ZYX: variants seen among roughly 807,000 people sequenced by gnomAD.
ZYX encodes zyxin.
In ZYX, 37 loss-of-function variants were observed where a neutral mutation model predicts 58.1. The ratio of observed to expected loss-of-function variants is 0.64; its 90% CI spans 0.49 to 0.84. ZYX has a LOEUF of 0.84. Ranked by LOEUF, ZYX falls within the 40% of genes least tolerant of loss-of-function variation. ZYX has a pLI of 0.00. For synonymous variants in ZYX, 324 were observed against 321.1 expected (o/e 1.01, Z -0.10); for missense variants, 762 against 761.6 (o/e 1.00, Z -0.01).
chr7:143,388,651 G>A lies in ZYX; in HGVS notation c.1307G>A (p.Cys436Tyr). The change falls in exon 7 of 10, where the codon TGT becomes TAT. Residue 436 changes from cysteine (C) to tyrosine (Y), a missense_variant. Cys to Tyr is a radical substitution (Grantham distance 194, BLOSUM62 -2). Transcript: ENST00000322764. The surrounding 1 kb of genome is among the most constrained non-coding windows in gnomAD (Gnocchi z 7.5). ...SLEGAPYCEG[C>Y]YTDTLEKCNT... is the part of the protein sequence containing the mutation. ...GAGGGGGCGCCGTACTGCGAGGGCT[G>A]TTACACTGTGAGTCGGGCTGTGCTG... 2 of 1,613,664 alleles carry A rather than the reference G, an allele frequency of 1.2e-6. No individual in the cohort carries two copies. The highest frequency in any genetic ancestry group is 1.1e-5 in the South Asian group (1 of 91,082).
In ZYX at chr7:143,388,496, C is replaced by G; in HGVS notation, c.1152C>G (p.Cys384Trp). The G allele has an allele frequency of 6.2e-7, 1 of 1,609,760 alleles. No individual in the cohort carries two copies. Among genetic ancestry groups the G allele is most frequent in the Non-Finnish European group, 8.5e-7 (1 of 1,179,418 alleles). Residue 384 changes from cysteine to tryptophan, a missense_variant, in exon 7 of 10, where the codon TGC becomes TGG. Cys to Trp is a radical substitution (Grantham distance 215). Transcript: ENST00000322764. The surrounding 1 kb of genome is among the most constrained non-coding windows in gnomAD (Gnocchi z 7.5). The part of the protein sequence containing the change: ...QRQNVAVNEL[C>W]GRCHQPLARA... ...CTTCTCTGGCCTTCCCAGAACTCTG[C>G]GGCCGATGCCATCAACCCCTGGCCC...
chr7:143,389,459 G>A lies in ZYX; in HGVS notation c.1494-398G>A, dbSNP rs186645827. On this transcript the variant is annotated intron_variant, in intron 8 of 9. Transcript: ENST00000322764. This position sits in a 1 kb window ranked among gnomAD's most constrained non-coding sequence, Gnocchi z 5.6. ...GGCCACAACTTCACATCCCTCCACA[G>A]TGCCAGACAGTCAGGGCAGAGGCAA... is the stretch of plus-strand genomic sequence containing the variant. Among the ~76,000 whole-genome samples, 120 of 152,276 alleles carry A rather than the reference G, an allele frequency of 7.9e-4. 1 individual carries two copies. Among genetic ancestry groups the A allele is most frequent in the African/African-American group, 2.8e-3 (118 of 41,548 alleles).
Position 143,390,867 on chromosome 7 carries a change from TG to T in ZYX, c.*189del. 1 of 587,322 alleles carries T rather than the reference TG, an allele frequency of 1.7e-6. No homozygotes were observed. The highest frequency in any genetic ancestry group is 1.9e-5 in the South Asian group (1 of 51,446). 36.4% of individuals were successfully genotyped at this position (587,322 alleles called of 1,614,324 possible). A position where few individuals can be genotyped will look rare whatever the true frequency, so the allele number is the denominator to read the frequency against. On this transcript the variant is annotated 3_prime_UTR_variant, in exon 10 of 10. Coordinates refer to ENST00000322764, the MANE Select transcript of ZYX (RefSeq NM_003461.5). This position sits in a 1 kb window ranked among gnomAD's most constrained non-coding sequence, Gnocchi z 4.3. ...GTCTAGGGATGCAGGATCCCCGCCCTGGGGTCTGGTCCTCGCCCATCCTGCA... is the reference window on the plus strand; with the variant it reads ...GTCTAGGGATGCAGGATCCCCGCCCTGGGTCTGGTCCTCGCCCATCCTGCA...
At chr7:143,381,479 G>T in intron 1 of ZYX, 70 bp downstream of exon 1, 1 of 1,390,630 alleles carries the variant, frequency 7.2e-7, no homozygotes. Flanking sequence ...GGGCGAGTGG[G>T]GGTCACCAAG....
chr7:143,390,741 A>G lies in ZYX; in HGVS notation c.*59A>G. 8.0e-7 allele frequency: 1 copy of G among 1,251,680 alleles called. No homozygotes were observed. The highest frequency in any genetic ancestry group is 1.1e-6 in the Non-Finnish European group (1 of 879,660). 77.5% of individuals were successfully genotyped at this position (1,251,680 alleles called of 1,614,324 possible). On this transcript the variant is annotated 3_prime_UTR_variant, in exon 10 of 10. Transcript: ENST00000322764. The surrounding 1 kb of genome is among the most constrained non-coding windows in gnomAD (Gnocchi z 4.3). Reference sequence around the variant, plus strand: ...GCCCCATTGTGGACCACCCACACTGAGACCACCTGCCCCCACCTCAGTTAT... The same window carrying G: ...GCCCCATTGTGGACCACCCACACTGGGACCACCTGCCCCCACCTCAGTTAT...
chr7:143,388,000 C>G lies in ZYX; in HGVS notation c.1024-219C>G, dbSNP rs112126929. 7.2e-4 allele frequency: 442 copies of G among 613,232 alleles called. 3 individuals are homozygous for G. Among genetic ancestry groups the G allele is most frequent in the African/African-American group, 7.1e-3 (392 of 55,172 alleles). The allele number at this position is 613,232 out of a possible 1,614,324, so 38.0% of individuals were successfully genotyped here. A position where few individuals can be genotyped will look rare whatever the true frequency, so the allele number is the denominator to read the frequency against. On this transcript the variant is annotated intron_variant, in intron 5 of 9. Coordinates refer to ENST00000322764, the MANE Select transcript of ZYX (RefSeq NM_003461.5). This position sits in a 1 kb window ranked among gnomAD's most constrained non-coding sequence, Gnocchi z 5.8. ...GGGCAGAGTGGGTGGAAATGTCTTGCTGTACGAGATCCAGGCTTAGGTCCC... is the reference window on the plus strand; with the variant it reads ...GGGCAGAGTGGGTGGAAATGTCTTGGTGTACGAGATCCAGGCTTAGGTCCC...
At chr7:143,386,333 G>A (rs185276112) in intron 5 of ZYX, among the ~76,000 whole-genome samples, 274 of 152,102 alleles carry the variant, frequency 1.8e-3, no homozygotes, top group African/African-American at 6.3e-3. Context: ...TAGGAAGGAC[G>A]ATGAGGGAGC....
In ZYX at chr7:143,390,020, A is replaced by T. The variant is rs535057764; in HGVS notation, c.1614+43A>T. Reference sequence around the variant, plus strand: ...ACTCCTTGGGCAGGTTCTGACCAGGAGGTGGCGGGAGATGCTGCTTACTAA... The same window carrying T: ...ACTCCTTGGGCAGGTTCTGACCAGGTGGTGGCGGGAGATGCTGCTTACTAA... On this transcript the variant is annotated intron_variant, in intron 9 of 9. Transcript: ENST00000322764. This position sits in a 1 kb window ranked among gnomAD's most constrained non-coding sequence, Gnocchi z 4.3. 40 of 1,605,028 alleles carry T rather than the reference A, an allele frequency of 2.5e-5. No individual in the cohort carries two copies. In the East Asian group the frequency reaches 6.3e-4, roughly 25 times the overall value.
rs1193953746 is a variant in ZYX, at chr7:143,389,338, C to T, written c.1493+393C>T. Among the ~76,000 whole-genome samples, 2 of 152,188 alleles carry T rather than the reference C, an allele frequency of 1.3e-5. No homozygotes were observed. The highest frequency in any genetic ancestry group is 2.9e-5 in the Non-Finnish European group (2 of 68,032). On this transcript the variant is annotated intron_variant, in intron 8 of 9. Transcript: ENST00000322764. The surrounding 1 kb of genome is among the most constrained non-coding windows in gnomAD (Gnocchi z 5.6). ...AGGTGGCTACTTTTTCAGGCTGACCCGCAGAACCTCAGTGCAGCTGTGGGA... is the reference window on the plus strand; with the variant it reads ...AGGTGGCTACTTTTTCAGGCTGACCTGCAGAACCTCAGTGCAGCTGTGGGA...
chr7:143,383,556 C>T (rs943201138), intron 5 of ZYX, among the ~76,000 whole-genome samples: 5 of 151,986 alleles, frequency 3.3e-5, no homozygotes, highest in South Asian at 2.1e-4. Context: ...CTGGCTGGGA[C>T]GGCGCAGAGA....
In ZYX at chr7:143,388,875, CGCCCCCTGGAG is replaced by C; in HGVS notation, c.1425_1435del (p.Pro476HisfsTer30). On this transcript the variant is annotated frameshift_variant, in exon 8 of 10. Coordinates refer to ENST00000322764, the MANE Select transcript of ZYX (RefSeq NM_003461.5). LOFTEE classifies it high-confidence loss of function. The surrounding 1 kb of genome is among the most constrained non-coding windows in gnomAD (Gnocchi z 7.5). ...CTGCTTCACCTGTGTGGTCTGCGCC[CGCCCCCTGGAG>C]GGCACCTCCTTCATCGTGGACCAGG... The C allele has an allele frequency of 6.2e-7, 1 of 1,613,858 alleles. No homozygotes were observed. Among genetic ancestry groups the C allele is most frequent in the Non-Finnish European group, 8.5e-7 (1 of 1,179,976 alleles).
At position 143,388,143 on chromosome 7, in the gene ZYX, A is replaced by G; in HGVS notation, c.1024-76A>G. 1 of 1,507,234 alleles carries G rather than the reference A, an allele frequency of 6.6e-7. No individual in the cohort carries two copies. The highest frequency in any genetic ancestry group is 8.9e-7 in the Non-Finnish European group (1 of 1,123,602). 93.4% of individuals were successfully genotyped at this position (1,507,234 alleles called of 1,614,324 possible). A position where few individuals can be genotyped will look rare whatever the true frequency, so the allele number is the denominator to read the frequency against. On this transcript the variant is annotated intron_variant, in intron 5 of 9. Transcript: ENST00000322764. The surrounding 1 kb of genome is among the most constrained non-coding windows in gnomAD (Gnocchi z 7.5). ...CTGGGAGCTAAGCCTCATCGGAAGA[A>G]GCCGGGTAGGCTGGCCTGGGAAGGT...
rs1401497729 is a variant in ZYX, at chr7:143,387,650, G to T, written c.1024-569G>T. 4.3e-6 allele frequency: 2 copies of T among 468,212 alleles called. No homozygotes were observed. Among genetic ancestry groups the T allele is most frequent in the African/African-American group, 4.0e-5 (2 of 50,018 alleles). 29.0% of individuals were successfully genotyped at this position (468,212 alleles called of 1,614,324 possible). A position where few individuals can be genotyped will look rare whatever the true frequency, so the allele number is the denominator to read the frequency against. On this transcript the variant is annotated intron_variant, in intron 5 of 9. Transcript: ENST00000322764. The surrounding 1 kb of genome is among the most constrained non-coding windows in gnomAD (Gnocchi z 5.8). ...GGGACCTGAGTGAGGTAGTTCAGAG[G>T]CCCCTCACTCGAGGGACAGGGTCTC...
chr7:143,385,656 A>ATTTTTTT (rs1261838329), intron 5 of ZYX, among the ~76,000 whole-genome samples: 25 of 93,252 alleles, frequency 2.7e-4, no homozygotes, highest in Non-Finnish European at 4.4e-4. Flanking sequence ...GTGGTGTGGT[A>ATTTTTTT]TATCTTTTTT....
In ZYX at chr7:143,387,968, G is replaced by T; in HGVS notation, c.1024-251G>T. On this transcript the variant is annotated intron_variant, in intron 5 of 9. Transcript: ENST00000322764. This position sits in a 1 kb window ranked among gnomAD's most constrained non-coding sequence, Gnocchi z 5.8. ...TTCTGGCCTGTCTGTGACTGCTCAG[G>T]GGGTTTGGGCAGAGTGGGTGGAAAT... is the stretch of plus-strand genomic sequence containing the variant. 1 of 579,634 alleles carries T rather than the reference G, an allele frequency of 1.7e-6. No homozygotes were observed. Among genetic ancestry groups the T allele is most frequent in the Non-Finnish European group, 3.2e-6 (1 of 308,834 alleles). The allele number at this position is 579,634 out of a possible 1,614,324, so 35.9% of individuals were successfully genotyped here.
rs762909150 is a variant in ZYX, at chr7:143,387,804, G to C, written c.1024-415G>C. The C allele has an allele frequency of 1.7e-5, 8 of 474,640 alleles. No individual in the cohort carries two copies. Among genetic ancestry groups the C allele is most frequent in the African/African-American group, 6.0e-5 (3 of 50,216 alleles). 29.4% of individuals were successfully genotyped at this position (474,640 alleles called of 1,614,324 possible). On this transcript the variant is annotated intron_variant, in intron 5 of 9. Coordinates refer to ENST00000322764, the MANE Select transcript of ZYX (RefSeq NM_003461.5). The surrounding 1 kb of genome is among the most constrained non-coding windows in gnomAD (Gnocchi z 5.8). ...GCAGGCCGGGTAGGTGTGTGTGCGC[G>C]TGTGTGCACGCCATTGCGTGCCCCT... is the stretch of plus-strand genomic sequence containing the variant.
In ZYX at chr7:143,390,060, G is replaced by C. The variant is rs746852751; in HGVS notation, c.1614+83G>C. 6.2e-5 allele frequency: 97 copies of C among 1,572,044 alleles called. No homozygotes were observed. Among genetic ancestry groups the C allele is most frequent in the Non-Finnish European group, 8.0e-5 (92 of 1,152,774 alleles). Reference sequence around the variant, plus strand: ...CTGCTTACTAACTGGGAGGTGGAAAGCACCAGCATTCAGGAAACAGGGCTG... The same window carrying C: ...CTGCTTACTAACTGGGAGGTGGAAACCACCAGCATTCAGGAAACAGGGCTG... On this transcript the variant is annotated intron_variant, in intron 9 of 9. Coordinates refer to ENST00000322764, the MANE Select transcript of ZYX (RefSeq NM_003461.5). The surrounding 1 kb of genome is among the most constrained non-coding windows in gnomAD (Gnocchi z 4.3).
In ZYX at chr7:143,383,043, T is replaced by G; in HGVS notation, c.744T>G (p.Ala248=). The G allele has an allele frequency of 6.2e-7, 1 of 1,614,072 alleles. No homozygotes were observed. Among genetic ancestry groups the G allele is most frequent in the Non-Finnish European group, 8.5e-7 (1 of 1,180,000 alleles). The change falls in exon 5 of 10, where the codon GCT becomes GCG. Residue 248 remains alanine, a synonymous_variant. Coordinates refer to ENST00000322764, the MANE Select transcript of ZYX (RefSeq NM_003461.5). The stretch of plus-strand genomic sequence containing the variant: ...CCCAGACCCAGCCTGTGTCTTTGGC[T>G]AACACCCAGCCCCGAGGGCCCCCAG... ...VQSQTQPVSL[A]NTQPRGPPAS... is the part of the protein sequence containing the mutation.
In ZYX at chr7:143,387,925, C is replaced by A; in HGVS notation, c.1024-294C>A. The A allele has an allele frequency of 3.8e-6, 2 of 528,970 alleles. No homozygotes were observed. Among genetic ancestry groups the A allele is most frequent in the South Asian group, 3.1e-5 (2 of 64,174 alleles). The allele number at this position is 528,970 out of a possible 1,614,324, so 32.8% of individuals were successfully genotyped here. On this transcript the variant is annotated intron_variant, in intron 5 of 9. Coordinates refer to ENST00000322764, the MANE Select transcript of ZYX (RefSeq NM_003461.5). The surrounding 1 kb of genome is among the most constrained non-coding windows in gnomAD (Gnocchi z 5.8). ...GTGACCCGAGCTGCTGTGTGCGTGG[C>A]CTCCGTCCGCCCAGTCATTCTGGCC... is the stretch of plus-strand genomic sequence containing the variant.
Sources: allele counts gnomAD v4.1 joint callset (sites outside exome capture counted in the v4.1 genomes callset), GRCh38; gene constraint gnomAD v4.1.1; non-coding constraint Gnocchi (gnomAD v3.1); transcripts MANE v1.5; gene names NCBI Gene and HGNC (gene_info 2026-07-23, HGNC 2026-07-21).